The following JAKMIP3 variants were observed in gnomAD, a reference collection of about 807,000 sequenced individuals.
JAKMIP3 encodes the protein janus kinase and microtubule-interacting protein 3.
In JAKMIP3, 58 loss-of-function variants were observed where a neutral mutation model predicts 118.5. That is an observed-to-expected ratio of 0.49 (90% CI 0.40 to 0.61). The LOEUF (loss-of-function observed/expected upper bound fraction) is 0.61. JAKMIP3 is among the 20% of genes least tolerant of loss of function. The pLI is 0.00. For missense variants in JAKMIP3, 950 were observed against 1,109.0 expected, an observed-to-expected ratio of 0.86 and a Z score of 2.04; for synonymous variants, 486 against 451.2, an observed-to-expected ratio of 1.08 and a Z score of -0.98.
chr10:132,062,105 G>A (rs1330855573), upstream of JAKMIP3, among the ~76,000 whole-genome samples: 1 of 151,782 alleles, frequency 6.6e-6, no homozygotes, highest in Non-Finnish European at 1.5e-5. Context: ...ACGCCACAGA[G>A]ACACAGGGGA....
intron 21 of JAKMIP3, among the ~76,000 whole-genome samples, chr10:132,165,448 G>A (rs755319921): frequency 2.4e-4 from 37 of 152,274 alleles, no homozygotes; most frequent in African/African-American, 4.1e-4. Flanking sequence ...CCCGGCTCCC[G>A]ACCCCCAGCT....
chr10:132,106,171 C>CAA (rs113058433), intron 2 of JAKMIP3, among the ~76,000 whole-genome samples: 34 of 150,032 alleles, frequency 2.3e-4, no homozygotes, highest in Admixed American at 1.2e-3. Context: ...CTCATCTCTA[C>CAA]AAAAAAAAAT....
chr10:132,158,024 G>C (rs1033682960), intron 19 of JAKMIP3, among the ~76,000 whole-genome samples: 1 of 152,082 alleles, frequency 6.6e-6, no homozygotes, highest in Admixed American at 6.5e-5. Flanking sequence ...TGTGAGGCAG[G>C]TGTAAAGAGG....
At chr10:132,098,075 G>T (rs72853197) in intron 1 of JAKMIP3, among the ~76,000 whole-genome samples, 37,375 of 143,330 alleles carry the variant, frequency 0.26, 5,264 homozygotes, top group Non-Finnish European at 0.33. Context: ...TTCCTCTGTT[G>T]TCCAGGTGGG....
chr10:132,089,767 G>C (rs1315387051), intron 1 of JAKMIP3, among the ~76,000 whole-genome samples: 1 of 152,172 alleles, frequency 6.6e-6, no homozygotes, highest in Non-Finnish European at 1.5e-5. Context: ...TGGTGAGAGA[G>C]GGCATCCCTG....
At chr10:132,171,029 G>T (rs1440849079) in intron 23 of JAKMIP3, among the ~76,000 whole-genome samples, 1 of 152,248 alleles carries the variant, frequency 6.6e-6, no homozygotes, top group Non-Finnish European at 1.5e-5. Flanking sequence ...GGAAACCTGT[G>T]AGCAGAAACC....
chr10:132,175,445 T>G (rs1242578816), intron 23 of JAKMIP3, among the ~76,000 whole-genome samples: 1 of 152,158 alleles, frequency 6.6e-6, no homozygotes, highest in Admixed American at 6.5e-5. Context: ...GGTGTCCACC[T>G]TACTCTGCCA....
chr10:132,096,865 C>G (rs548821897), intron 1 of JAKMIP3, among the ~76,000 whole-genome samples: 1 of 152,290 alleles, frequency 6.6e-6, no homozygotes, highest in African/African-American at 2.4e-5. Context: ...TGGGATGTCC[C>G]AGACACAGAG....
At chr10:132,082,684 C>T (rs902150784) in intron 1 of JAKMIP3, among the ~76,000 whole-genome samples, 1 of 151,932 alleles carries the variant, frequency 6.6e-6, no homozygotes, top group South Asian at 2.1e-4. Flanking sequence ...AATCTAGGCT[C>T]ACTGCAACCT....
intron 1 of JAKMIP3, among the ~76,000 whole-genome samples, chr10:132,094,426 C>T (rs185506591): frequency 1.3e-5 from 2 of 152,104 alleles, no homozygotes; most frequent in East Asian, 3.9e-4. Context: ...GGCTGTTGCT[C>T]AGATTCTTTT....
chr10:132,154,007 T>G lies in JAKMIP3; in HGVS notation c.2220+17T>G, dbSNP rs984364523. On this transcript the variant is annotated intron_variant, in intron 19 of 23. Transcript: ENST00000684848. Reference sequence around the variant, plus strand: ...GCCAACAAGGTGAGAGGCACGAGACTGCTGGAACCCCGGGGAGGGGCACTG... The same window carrying G: ...GCCAACAAGGTGAGAGGCACGAGACGGCTGGAACCCCGGGGAGGGGCACTG... The G allele has an allele frequency of 6.2e-7, 1 of 1,611,576 alleles. No individual in the cohort carries two copies. The highest frequency in any genetic ancestry group is 1.7e-5 in the Admixed American group (1 of 60,012).
upstream of JAKMIP3, among the ~76,000 whole-genome samples, chr10:132,063,927 G>C (rs184392286): frequency 7.6e-4 from 116 of 152,222 alleles, no homozygotes; most frequent in Admixed American, 2.7e-3. Flanking sequence ...ACACAGGCAC[G>C]CGTTTTTAAA....
At chr10:132,063,414 C>CCCCTGG (rs59095946), upstream of JAKMIP3, among the ~76,000 whole-genome samples, 2 of 152,078 alleles carry the variant, frequency 1.3e-5, no homozygotes, top group Admixed American at 1.3e-4. Context: ...GGCTGGGAGG[C>CCCCTGG]TCAAAGCTCA....
At position 132,086,787 on chromosome 10, in the gene JAKMIP3, C is replaced by T. The variant is rs754146098; in HGVS notation, c.-137-17885C>T. Among the ~76,000 whole-genome samples, 124 of 152,134 alleles carry T rather than the reference C, an allele frequency of 8.2e-4. 5 individuals are homozygous for T. The highest frequency in any genetic ancestry group is 3.8e-4 in the Non-Finnish European group (26 of 68,010). ...GTGGATCTCTTGAAAGCAGCAGATA[C>T]TTGGTTGGTGAATTCTTACCCATTC... On this transcript the variant is annotated intron_variant, in intron 1 of 23. Transcript: ENST00000684848.
chr10:132,136,533 G>T (rs756439106), intron 6 of JAKMIP3, among the ~76,000 whole-genome samples: 1 of 152,314 alleles, frequency 6.6e-6, no homozygotes, highest in South Asian at 2.1e-4. Flanking sequence ...GTGTCACCAC[G>T]TTCCCCTGCC....
chr10:132,111,110 C>T (rs996944659), intron 2 of JAKMIP3, among the ~76,000 whole-genome samples: 47 of 152,310 alleles, frequency 3.1e-4, no homozygotes, highest in Admixed American at 2.8e-3. Context: ...TTCGGAGGTG[C>T]CCGGAAAGTC....
At position 132,179,020 on chromosome 10, in the gene JAKMIP3, C is replaced by T. The variant is rs1000281911; in HGVS notation, c.*1104-3337C>T. Among the ~76,000 whole-genome samples the T allele has an allele frequency of 6.6e-5, 10 of 152,226 alleles. No individual in the cohort carries two copies. The highest frequency in any genetic ancestry group is 1.2e-4 in the African/African-American group (5 of 41,470). On this transcript the variant is annotated intron_variant, in intron 23 of 23. Coordinates refer to ENST00000684848, the MANE Select transcript of JAKMIP3 (RefSeq NM_001323087.2). This position sits in a 1 kb window ranked among gnomAD's most constrained non-coding sequence, Gnocchi z 4.3. Reference sequence around the variant, plus strand: ...AGCGAGGTTCTGGTGCCTTCGTGCCCGTGGGGCTGGGGGCCCCGACCTGTG... The same window carrying T: ...AGCGAGGTTCTGGTGCCTTCGTGCCTGTGGGGCTGGGGGCCCCGACCTGTG...
intron 1 of JAKMIP3, among the ~76,000 whole-genome samples, chr10:132,089,298 C>A (rs2042823800): frequency 6.6e-6 from 1 of 152,250 alleles, no homozygotes; most frequent in East Asian, 1.9e-4. Flanking sequence ...TTACCTTGGG[C>A]AGTATGGCCA....
At position 132,140,552 on chromosome 10, in the gene JAKMIP3, G is replaced by C. The variant is rs542588608; in HGVS notation, c.1446G>C (p.Pro482=). Reference sequence around the variant, plus strand: ...AAACAGACAGGACGGACCAGACCCCGTGCACCCCGGACGATGACTTGGAGG... The same window carrying C: ...AAACAGACAGGACGGACCAGACCCCCTGCACCCCGGACGATGACTTGGAGG... ...SYQTDRTDQT[P]CTPDDDLEEG... The change falls in exon 10 of 24, where the codon CCG becomes CCC. Residue 482 remains proline (P), a synonymous_variant. Coordinates refer to ENST00000684848, the MANE Select transcript of JAKMIP3 (RefSeq NM_001323087.2). 1.9e-6 allele frequency: 3 copies of C among 1,608,050 alleles called. No individual in the cohort carries two copies. The highest frequency in any genetic ancestry group is 4.5e-5 in the East Asian group (2 of 44,264).
Sources: gnomAD v4.1 joint callset for allele counts (sites outside exome capture counted in the v4.1 genomes callset) on GRCh38, gnomAD v4.1.1 for gene constraint, Gnocchi (gnomAD v3.1) non-coding constraint, MANE v1.5 for transcripts, NCBI Gene and HGNC (gene_info 2026-07-23, HGNC 2026-07-21) for gene names.